Variants in BACE2 observed in about 807,000 individuals in gnomAD.
BACE2 encodes the protein beta-secretase 2.
BACE2 carries 17 observed loss-of-function variants against 46.2 expected under a neutral mutation model. The observed-to-expected ratio is 0.37, with a 90% CI of 0.25 to 0.55. BACE2 has a LOEUF of 0.55. BACE2 is among the 20% of genes least tolerant of loss of function. The pLI, the probability that BACE2 is intolerant of heterozygous loss-of-function variation, is 0.82. For synonymous variants in BACE2, 277 were observed against 295.9 expected (o/e 0.94, Z 0.66); for missense variants, 595 against 698.1 (o/e 0.85, Z 1.66).
chr21:41,223,132 T>C (rs982448759), intron 1 of BACE2, among the ~76,000 whole-genome samples: 1 of 151,942 alleles, frequency 6.6e-6, no homozygotes, highest in Admixed American at 6.6e-5. Context: ...GACGAGAGGA[T>C]CACTTGAGCC....
chr21:41,216,468 G>A (rs1384945092), intron 1 of BACE2, among the ~76,000 whole-genome samples: 1 of 152,234 alleles, frequency 6.6e-6, no homozygotes, highest in Non-Finnish European at 1.5e-5. Context: ...CTGAATGCCT[G>A]GGCAATGAGA....
At chr21:41,238,292 C>T (rs1158850575) in intron 3 of BACE2, among the ~76,000 whole-genome samples, 2 of 152,252 alleles carry the variant, frequency 1.3e-5, no homozygotes, top group Non-Finnish European at 2.9e-5. Flanking sequence ...TTGTGGAACC[C>T]TGCTCTTGCC....
rs1568851541 is a variant in BACE2, at chr21:41,168,501, A to G, written c.238A>G (p.Met80Val). 6 of 1,329,216 alleles carry G rather than the reference A, an allele frequency of 4.5e-6. No homozygotes were observed. The highest frequency in any genetic ancestry group is 5.8e-6 in the Non-Finnish European group (6 of 1,031,256). The allele number at this position is 1,329,216 out of a possible 1,614,324, so 82.3% of individuals were successfully genotyped here. ...SPAGAANFLAMVDNLQGDSGR... is the reference protein window; with the variant it reads ...SPAGAANFLAVVDNLQGDSGR... ...CGCGGGCGCCGCCAACTTCTTGGCC[A>G]TGGTAGACAACCTGCAGGGGGACTC... Residue 80 changes from methionine to valine, a missense_variant, in exon 1 of 9, where the codon ATG (methionine) becomes GTG (valine). By Grantham distance (21) the Met-to-Val change is conservative. Transcript: ENST00000330333.
At chr21:41,211,536 G>A (rs903667953) in intron 1 of BACE2, among the ~76,000 whole-genome samples, 6 of 152,182 alleles carry the variant, frequency 3.9e-5, no homozygotes, top group East Asian at 1.9e-4. Context: ...GAACTGAAGC[G>A]CTGAAAGAGC....
At position 41,277,873 on chromosome 21, in the gene BACE2, A is replaced by G. The variant is rs1453472783; in HGVS notation, c.*2249A>G. The G allele has an allele frequency of 6.6e-6, 1 of 152,182 alleles. No homozygotes were observed. The highest frequency in any genetic ancestry group is 1.5e-5 in the Non-Finnish European group (1 of 68,034). The allele number at this position is 152,182 out of a possible 1,614,324, so 9.4% of individuals were successfully genotyped here. A position where few individuals can be genotyped will look rare whatever the true frequency, so the allele number is the denominator to read the frequency against. ...ATCTTTTCATATCGCATGTCATTGG[A>G]TGTGACATTTTGATGAAAATACTGA... is the stretch of plus-strand genomic sequence containing the variant. On this transcript the variant is annotated 3_prime_UTR_variant, in exon 9 of 9. Transcript: ENST00000330333.
chr21:41,197,266 G>GTTTTTTTTTTTTTTTTTTT (rs57910664), intron 1 of BACE2, among the ~76,000 whole-genome samples: 3 of 144,682 alleles, frequency 2.1e-5, no homozygotes, highest in Non-Finnish European at 3.0e-5. Flanking sequence ...AGCCAGCCAG[G>GTTTTTTTTTTTTTTTTTTT]TTTTTTTTGT....
intron 1 of BACE2, among the ~76,000 whole-genome samples, chr21:41,211,975 C>T (rs925153733): frequency 1.3e-5 from 2 of 152,244 alleles, no homozygotes; most frequent in East Asian, 1.9e-4. Context: ...GGTGGCTAGA[C>T]CATGGCTTCT....
intron 8 of BACE2, among the ~76,000 whole-genome samples, chr21:41,260,890 AT>A (rs200732029): frequency 0.01 from 1,527 of 151,164 alleles, 20 homozygotes; most frequent in African/African-American, 0.032. Context: ...TGTTTGGTTT[AT>A]TTTTTTTTAT....
intron 2 of BACE2, among the ~76,000 whole-genome samples, chr21:41,230,626 G>A (rs568436115): frequency 2.6e-5 from 4 of 152,246 alleles, no homozygotes; most frequent in African/African-American, 4.8e-5. Flanking sequence ...TCTGATTCAC[G>A]TCCTCAGTCT....
chr21:41,266,474 T>A (rs1988070477), intron 8 of BACE2, among the ~76,000 whole-genome samples: 1 of 152,246 alleles, frequency 6.6e-6, no homozygotes, highest in Non-Finnish European at 1.5e-5. Flanking sequence ...ATTTTGCATA[T>A]GTTTCTGCTG....
At chr21:41,234,111 C>T (rs1987043418) in intron 2 of BACE2, among the ~76,000 whole-genome samples, 1 of 152,084 alleles carries the variant, frequency 6.6e-6, no homozygotes, top group Admixed American at 6.5e-5. Context: ...GCGGTTTTTC[C>T]CCATACACTG....
intron 2 of BACE2, among the ~76,000 whole-genome samples, chr21:41,233,345 C>T (rs1286021348): frequency 6.6e-6 from 1 of 151,808 alleles, no homozygotes; most frequent in Non-Finnish European, 1.5e-5. Flanking sequence ...GTTGAGGAAA[C>T]CGAGGCATAG....
intron 1 of BACE2, chr21:41,186,463 C>T (rs937468861): frequency 3.9e-5 from 6 of 152,412 alleles, no homozygotes; most frequent in African/African-American, 1.4e-4. Context: ...CAATCACAGA[C>T]TGCTTCACCG....
chr21:41,255,738 T>A (rs1987768369), intron 7 of BACE2, among the ~76,000 whole-genome samples: 1 of 146,642 alleles, frequency 6.8e-6, no homozygotes, highest in East Asian at 1.9e-4. Context: ...AACTCTGACT[T>A]TTTTTTTAAT....
rs1243233300 is a variant in BACE2 at position 41,216,138 on chromosome 21, T to TTG, written c.313-10125_313-10124dup. On this transcript the variant is annotated intron_variant, in intron 1 of 8. Transcript: ENST00000330333. ...TTTTTATCTCTGTGGTTGAGGCTAC[T>TTG]TGTGAAAGTGGGTGATGGTCCTGGC... Among the ~76,000 whole-genome samples, 9 of 151,980 alleles carry TTG rather than the reference T, an allele frequency of 5.9e-5. No individual in the cohort carries two copies. In the East Asian group the frequency reaches 1.7e-3, roughly 29 times the overall value.
At chr21:41,270,076 C>T (rs557661267) in intron 8 of BACE2, among the ~76,000 whole-genome samples, 1 of 152,240 alleles carries the variant, frequency 6.6e-6, no homozygotes, top group South Asian at 2.1e-4. Flanking sequence ...TTTGCATTTC[C>T]CTAATGACTA....
At chr21:41,196,457 G>A (rs995698104) in intron 1 of BACE2, among the ~76,000 whole-genome samples, 2 of 152,156 alleles carry the variant, frequency 1.3e-5, no homozygotes, top group East Asian at 3.9e-4. Flanking sequence ...AATAACCCAC[G>A]TGTGCCTCAA....
intron 1 of BACE2, chr21:41,179,260 T>C: frequency 8.1e-7 from 1 of 1,238,166 alleles, no homozygotes; most frequent in Non-Finnish European, 1.0e-6. Flanking sequence ...AGTGAGGGAG[T>C]CCAGGGTGAG....
rs1987803972 is a variant in BACE2, at chr21:41,257,035, TCTCCCGTGA to T, written c.1135-117_1135-109del. The T allele has an allele frequency of 2.9e-6, 3 of 1,024,504 alleles. No homozygotes were observed. The South Asian group carries it at 4.6e-5, about 16-fold the overall frequency. The allele number at this position is 1,024,504 out of a possible 1,614,324, so 63.5% of individuals were successfully genotyped here. A position where few individuals can be genotyped will look rare whatever the true frequency, so the allele number is the denominator to read the frequency against. The stretch of plus-strand genomic sequence containing the variant: ...GATGGCAGGGTGAGATCATCTTTCT[TCTCCCGTGA>T]CTCCCCCCAGCGCCTGGGAGGGTCC... On this transcript the variant is annotated intron_variant, in intron 7 of 8. Transcript: ENST00000330333.
Sources: allele counts gnomAD v4.1 joint callset (sites outside exome capture counted in the v4.1 genomes callset), GRCh38; gene constraint gnomAD v4.1.1; transcripts MANE v1.5; gene names NCBI Gene and HGNC (gene_info 2026-07-23, HGNC 2026-07-21).